Variants in MCTP2 observed in about 807,000 individuals in gnomAD.
MCTP2 encodes multiple C2 and transmembrane domain-containing protein 2.
In MCTP2, 132 loss-of-function variants were observed where a neutral mutation model predicts 111.6. The ratio of observed to expected loss-of-function variants is 1.18; its 90% confidence interval spans 1.03 to 1.37. MCTP2 has a LOEUF of 1.37. Ranked by LOEUF, MCTP2 falls within the 40% of genes most tolerant of loss-of-function variation. The pLI is 0.00. For synonymous variants in MCTP2, 395 were observed against 387.7 expected (o/e 1.02, Z -0.22); for missense variants, 1,183 against 1,067.9 (o/e 1.11, Z -1.50).
intron 4 of MCTP2, among the ~76,000 whole-genome samples, chr15:94,338,738 C>T (rs960270657): frequency 9.2e-5 from 14 of 152,152 alleles, no homozygotes; most frequent in African/African-American, 2.4e-4. Flanking sequence ...AGTGCAGGTG[C>T]GGGGACGCAG....
intron 12 of MCTP2, among the ~76,000 whole-genome samples, chr15:94,381,427 G>T (rs1314602423): frequency 6.6e-6 from 1 of 152,200 alleles, no homozygotes; most frequent in Non-Finnish European, 1.5e-5. Context: ...CATAACTGAA[G>T]TTCCTGGTTT....
intron 1 of MCTP2, among the ~76,000 whole-genome samples, chr15:94,256,763 T>C (rs2072798137): frequency 1.3e-5 from 2 of 152,202 alleles, no homozygotes. Context: ...GTTTTGTATT[T>C]CCAGCAATGC....
chr15:94,374,723 A>G (rs2079664117), intron 12 of MCTP2, among the ~76,000 whole-genome samples: 1 of 152,114 alleles, frequency 6.6e-6, no homozygotes, highest in Non-Finnish European at 1.5e-5. Context: ...TTTCACACTC[A>G]TGGCCCTTAC....
chr15:94,418,099 AAAGGAGTAAGTCATG>A (rs2082457587), intron 17 of MCTP2, among the ~76,000 whole-genome samples: 1 of 152,098 alleles, frequency 6.6e-6, no homozygotes, highest in South Asian at 2.1e-4. Flanking sequence ...CTATGAACAT[AAAGGAGTAAGTCATG>A]AAGGAGTAAG....
rs557989149 is a variant in MCTP2, at chr15:94,325,812, A to ATTTTTTTT, written c.637+10194_637+10201dup. ...GAACCTACTCTACTCCATCGCTCCG[A>ATTTTTTTT]TTTTTTTTTTTTTTTTTTTTTTTTT... is the stretch of plus-strand genomic sequence containing the variant. On this transcript the variant is annotated intron_variant, in intron 4 of 22. Transcript: ENST00000357742. Among the ~76,000 whole-genome samples the ATTTTTTTT allele has an allele frequency of 9.0e-4, 83 of 91,864 alleles. 13 individuals carry two copies. The highest frequency in any genetic ancestry group is 3.2e-3 in the African/African-American group (72 of 22,334). The allele number at this position is 91,864 out of a possible 152,430, so 60.3% of individuals were successfully genotyped here.
In MCTP2 at chr15:94,467,429, C is replaced by CAATTATAAAAAT. The variant is rs1222841161; in HGVS notation, c.2361-2902_2361-2901insTTATAAAAATAA. ...TGTTACTTACTTTTATTATAATAAT[C>CAATTATAAAAAT]AAATATGACCAATGGAATATAAAGT... is the stretch of plus-strand genomic sequence containing the variant. On this transcript the variant is annotated intron_variant, in intron 20 of 22. Transcript: ENST00000357742. Among the ~76,000 whole-genome samples the CAATTATAAAAAT allele has an allele frequency of 1.5e-4, 5 of 32,396 alleles. No homozygotes were observed. In the South Asian group the frequency reaches 2.3e-3, roughly 15 times the overall value. The allele number at this position is 32,396 out of a possible 152,430, so 21.3% of individuals were successfully genotyped here.
rs536950268 is a variant in MCTP2 at position 94,460,037 on chromosome 15, T to C, written c.2360+1791T>C. On this transcript the variant is annotated intron_variant, in intron 20 of 22. Coordinates refer to ENST00000357742, the MANE Select transcript of MCTP2 (RefSeq NM_001385001.1). ...ACAACTAGTAGCTATGTAGCTTGGA[T>C]TGGAACCTGTCCTCCTCATTACTAC... Among the ~76,000 whole-genome samples, 504 of 152,268 alleles carry C rather than the reference T, an allele frequency of 3.3e-3. 3 individuals are homozygous for C. Among genetic ancestry groups the C allele is most frequent in the African/African-American group, 0.011 (460 of 41,550 alleles).
chr15:94,432,750 C>T (rs2083264772), intron 17 of MCTP2, among the ~76,000 whole-genome samples: 1 of 152,180 alleles, frequency 6.6e-6, no homozygotes, highest in Admixed American at 6.5e-5. Context: ...TATTCAGAGA[C>T]TCAGCTTCTT....
chr15:94,344,900 A>G (rs1029202517), intron 7 of MCTP2, among the ~76,000 whole-genome samples: 1 of 152,198 alleles, frequency 6.6e-6, no homozygotes, highest in Non-Finnish European at 1.5e-5. Context: ...TGGCTTTTTC[A>G]TACTGAATAC....
intron 2 of MCTP2, among the ~76,000 whole-genome samples, chr15:94,308,997 T>G (rs1475034574): frequency 2.0e-5 from 3 of 152,190 alleles, no homozygotes; most frequent in Non-Finnish European, 4.4e-5. Context: ...GGAAATCACT[T>G]TTAGAGACCA....
At chr15:94,385,588 C>A in intron 14 of MCTP2, 63 bp downstream of exon 14, 2 of 1,142,090 alleles carry the variant, frequency 1.8e-6, no homozygotes, top group South Asian at 1.2e-5. Flanking sequence ...TTTCTATGGT[C>A]TAGAGTTGCT....
intron 10 of MCTP2, among the ~76,000 whole-genome samples, chr15:94,359,573 G>C (rs1416872572): frequency 6.6e-6 from 1 of 152,136 alleles, no homozygotes; most frequent in Non-Finnish European, 1.5e-5. Context: ...CCTCTCCTCT[G>C]TGGCCAGAGC....
intron 4 of MCTP2, among the ~76,000 whole-genome samples, chr15:94,337,714 C>T (rs1360305395): frequency 6.6e-6 from 1 of 152,104 alleles, no homozygotes; most frequent in Non-Finnish European, 1.5e-5. Flanking sequence ...TGTGCATGCC[C>T]AAGTTTAAAA....
rs959811266 is a variant in MCTP2 at position 94,479,262 on chromosome 15, C to T, written c.*228C>T. 8 of 553,230 alleles carry T rather than the reference C, an allele frequency of 1.4e-5. No individual in the cohort carries two copies. In the Admixed American group the frequency reaches 2.4e-4, roughly 16 times the overall value. The allele number at this position is 553,230 out of a possible 1,614,324, so 34.3% of individuals were successfully genotyped here. A position where few individuals can be genotyped will look rare whatever the true frequency, so the allele number is the denominator to read the frequency against. On this transcript the variant is annotated 3_prime_UTR_variant, in exon 23 of 23. Coordinates refer to ENST00000357742, the MANE Select transcript of MCTP2 (RefSeq NM_001385001.1). ...GGGTCAGCCCAGCGAAAAGCAACAA[C>T]CCCAAGACTGTGAAAGACTAACATC...
intron 10 of MCTP2, among the ~76,000 whole-genome samples, chr15:94,364,764 C>T (rs2079103055): frequency 6.6e-6 from 1 of 152,170 alleles, no homozygotes; most frequent in African/African-American, 2.4e-5. Flanking sequence ...GCAGTAACCT[C>T]TTACTAGGTT....
At chr15:94,289,817 T>C (rs2074951272) in intron 1 of MCTP2, among the ~76,000 whole-genome samples, 2 of 152,174 alleles carry the variant, frequency 1.3e-5, no homozygotes. Context: ...TGTGAATATG[T>C]TACATTATGT....
rs530323714 is a variant in MCTP2 at position 94,474,397 on chromosome 15, AC to A, written c.2471-2296del. Among the ~76,000 whole-genome samples the A allele has an allele frequency of 1.3e-3, 203 of 152,326 alleles. 1 individual carries two copies. Among genetic ancestry groups the A allele is most frequent in the African/African-American group, 4.8e-3 (198 of 41,580 alleles). On this transcript the variant is annotated intron_variant, in intron 21 of 22. Transcript: ENST00000357742. The stretch of plus-strand genomic sequence containing the variant: ...ACTGCCCAATGTGATTCTCCCATCT[AC>A]CCAAGAAACTCTATAAGGAGGTCTT...
At chr15:94,267,171 A>G (rs1051015297) in intron 1 of MCTP2, among the ~76,000 whole-genome samples, 2 of 152,326 alleles carry the variant, frequency 1.3e-5, no homozygotes, top group South Asian at 2.1e-4. Context: ...CGCAATCATA[A>G]TGTAGGTGGT....
Position 94,370,080 on chromosome 15 carries a change from C to T in MCTP2, c.1489-7C>T, listed in dbSNP as rs1334743108. On this transcript the variant is annotated splice_polypyrimidine_tract_variant and splice_region_variant and intron_variant, in intron 11 of 22. Transcript: ENST00000357742. ...GTTTTCACTTGTATCACCTTTTCAA[C>T]CCTCAGTGCTTACAGAACTCCCTGA... 1 of 1,602,184 alleles carries T rather than the reference C, an allele frequency of 6.2e-7. No homozygotes were observed. Among genetic ancestry groups the T allele is most frequent in the South Asian group, 1.1e-5 (1 of 89,082 alleles).
Sources: gnomAD v4.1 joint callset for allele counts (sites outside exome capture counted in the v4.1 genomes callset) on GRCh38, gnomAD v4.1.1 for gene constraint, MANE v1.5 for transcripts, NCBI Gene and HGNC (gene_info 2026-07-23, HGNC 2026-07-21) for gene names.